The following NAV1 variants were observed in gnomAD, a reference collection of about 807,000 sequenced individuals.
NAV1 encodes neuron navigator 1, also known as pore membrane and/or filament interacting like protein 3.
Under a neutral mutation model 175.2 loss-of-function variants are expected in NAV1, and 18 were observed. The ratio of observed to expected loss-of-function variants is 0.10; its 90% CI spans 0.07 to 0.15. The LOEUF is 0.15. NAV1 is among the 10% of genes least tolerant of loss of function. The probability of loss-of-function intolerance (pLI) is 1.00; values close to 1 mark genes in which losing one functional copy is unlikely to be tolerated. For synonymous variants in NAV1, 897 were observed against 978.7 expected (o/e 0.92, Z 1.56); for missense variants, 1,731 against 2,436.6 (o/e 0.71, Z 6.10).
At chr1:201,540,161 G>A (rs919185644) in intron 1 of NAV1, among the ~76,000 whole-genome samples, 1 of 152,186 alleles carries the variant, frequency 6.6e-6, no homozygotes, top group Admixed American at 6.5e-5. Context: ...CGGGTGGCGG[G>A]GGCGGTGTGT....
At position 201,625,089 on chromosome 1, in the gene NAV1, T is replaced by C. The variant is rs540647781; in HGVS notation, c.-101+1483T>C. 7.9e-5 allele frequency among the ~76,000 whole-genome samples: 12 copies of C among 152,334 alleles called. 1 individual carries two copies. The South Asian group carries it at 2.5e-3, about 32-fold the overall frequency. ...GCTTCATTTAGACTGTTACATTCAG[T>C]TGTGAACACCACGTTTTAAAAGGAC... On this transcript the variant is annotated intron_variant, in intron 1 of 29. Transcript: ENST00000367302.
At chr1:201,702,470 G>C (rs554952131) in intron 1 of NAV1, among the ~76,000 whole-genome samples, 1 of 152,060 alleles carries the variant, frequency 6.6e-6, no homozygotes, top group Non-Finnish European at 1.5e-5. Context: ...AGGTTCAAGC[G>C]ATTTTCCTGC....
At position 201,782,564 on chromosome 1, in the gene NAV1, G is replaced by A. The variant is rs774777680; in HGVS notation, c.2052G>A (p.Val684=). Residue 684 remains valine (V), a synonymous_variant, in exon 6 of 30, where the codon GTG becomes GTA. Coordinates refer to ENST00000367296, the Ensembl canonical transcript of NAV1. The surrounding 1 kb of genome is among the most constrained non-coding windows in gnomAD (Gnocchi z 5.4). The stretch of plus-strand genomic sequence containing the variant: ...CAGCCAAGTCAAGTTCTATGAGCGT[G>A]ACCGGCGGGCGGGGTGGACCTCGCC... 6.2e-7 allele frequency: 1 copy of A among 1,611,992 alleles called. No homozygotes were observed. Among genetic ancestry groups the A allele is most frequent in the South Asian group, 1.1e-5 (1 of 91,002 alleles).
chr1:201,779,446 A>AG (rs1676163961), intron 3 of NAV1, among the ~76,000 whole-genome samples: 1 of 150,444 alleles, frequency 6.6e-6, no homozygotes, highest in Non-Finnish European at 1.5e-5. Context: ...AAAAAAAAAA[A>AG]TAGTAGCTGG....
At chr1:201,824,205 A>C (rs1406901297) in exon 30 of NAV1, 1 of 152,192 alleles carries the variant, frequency 6.6e-6, no homozygotes, top group Non-Finnish European at 1.5e-5. Context: ...GCACTGACTA[A>C]GCTAAAGTTA....
intron 1 of NAV1, among the ~76,000 whole-genome samples, chr1:201,626,538 A>G (rs1668334932): frequency 6.6e-6 from 1 of 152,082 alleles, no homozygotes; most frequent in Admixed American, 6.6e-5. Flanking sequence ...AGAAGGTGCA[A>G]TCCCCTGTCC....
chr1:201,650,062 C>T (rs997576080), intron 1 of NAV1, among the ~76,000 whole-genome samples: 1 of 152,260 alleles, frequency 6.6e-6, no homozygotes, highest in Non-Finnish European at 1.5e-5. Context: ...GCTCTGGCCC[C>T]AACCCCTACA....
At chr1:201,820,658 A>C (rs1225305572) in exon 30 of NAV1, 1 of 152,212 alleles carries the variant, frequency 6.6e-6, no homozygotes, top group Non-Finnish European at 1.5e-5. Context: ...CCAAACCACA[A>C]AAATAACCTT....
chr1:201,760,273 C>T (rs964787388), intron 3 of NAV1, among the ~76,000 whole-genome samples: 2 of 152,178 alleles, frequency 1.3e-5, no homozygotes, highest in African/African-American at 4.8e-5. Flanking sequence ...TCGAGACTAG[C>T]CTTGGCAACA....
chr1:201,675,433 C>T (rs1275476457), intron 1 of NAV1, among the ~76,000 whole-genome samples: 2 of 152,142 alleles, frequency 1.3e-5, no homozygotes, highest in African/African-American at 4.8e-5. Flanking sequence ...CTCGTGTAAC[C>T]TCAGCTTCCT....
Position 201,789,724 on chromosome 1 carries a change from T to C in NAV1, c.3167-16T>C, listed in dbSNP as rs143852875. The C allele has an allele frequency of 6.2e-7, 1 of 1,613,866 alleles. No homozygotes were observed. The highest frequency in any genetic ancestry group is 2.2e-5 in the East Asian group (1 of 44,878). On this transcript the variant is annotated splice_polypyrimidine_tract_variant and intron_variant, in intron 10 of 29. Transcript: ENST00000367296. The stretch of plus-strand genomic sequence containing the variant: ...GGAACCCACTGTTAACTCTTTGTGT[T>C]CTCCTTCTCTTTCAGTTCACGGCTC...
intron 1 of NAV1, among the ~76,000 whole-genome samples, chr1:201,701,009 C>CAAA (rs386369321): frequency 0.68 from 35,747 of 52,726 alleles, 13,082 homozygotes; most frequent in East Asian, 0.78. Flanking sequence ...GACTCTGTCT[C>CAAA]AAAAAAAAAA....
intron 3 of NAV1, among the ~76,000 whole-genome samples, chr1:201,719,119 G>T (rs1672263291): frequency 6.7e-6 from 1 of 149,776 alleles, no homozygotes; most frequent in Non-Finnish European, 1.5e-5. Flanking sequence ...TGCGAACTCT[G>T]TGTAGACCCT....
At chr1:201,634,004 G>A (rs1668547763) in intron 2 of NAV1, among the ~76,000 whole-genome samples, 2 of 152,174 alleles carry the variant, frequency 1.3e-5, no homozygotes, top group South Asian at 2.1e-4. Flanking sequence ...GTGGCTTACT[G>A]TGAACCAGGC....
At chr1:201,631,857 A>G (rs984222537) in intron 2 of NAV1, among the ~76,000 whole-genome samples, 2 of 152,034 alleles carry the variant, frequency 1.3e-5, no homozygotes, top group South Asian at 2.1e-4. Flanking sequence ...TTTGAAGCTC[A>G]TGTATCTTCC....
chr1:201,780,183 C>T (rs943954623), intron 3 of NAV1, among the ~76,000 whole-genome samples: 2 of 152,136 alleles, frequency 1.3e-5, no homozygotes, highest in Non-Finnish European at 2.9e-5. Flanking sequence ...GAAGATACAA[C>T]GTTTTCTCTT....
chr1:201,795,179 T>G (rs1447750621), intron 15 of NAV1: 1 of 152,442 alleles, frequency 6.6e-6, no homozygotes, highest in East Asian at 1.9e-4. Flanking sequence ...TACCAGTGAT[T>G]CCCAGCTTTC....
At chr1:201,551,084 G>A (rs537256443) in intron 1 of NAV1, among the ~76,000 whole-genome samples, 132 of 152,262 alleles carry the variant, frequency 8.7e-4, no homozygotes, top group African/African-American at 3.0e-3. Context: ...TGTCAAAATC[G>A]GACTCAGAGA....
Position 201,787,846 on chromosome 1 carries a change from C to A in NAV1, c.2996-622C>A. ...TTCCACAAGCCTTACCTGACACTTT[C>A]ACCTGCTCTGTCCATCTGACCTTCA... On this transcript the variant is annotated intron_variant, in intron 9 of 29. Transcript: ENST00000367296. The surrounding 1 kb of genome is among the most constrained non-coding windows in gnomAD (Gnocchi z 4.3). 2.6e-6 allele frequency: 1 copy of A among 385,776 alleles called. No individual in the cohort carries two copies. The allele number at this position is 385,776 out of a possible 1,614,324, so 23.9% of individuals were successfully genotyped here.
Sources: allele counts gnomAD v4.1 joint callset (sites outside exome capture counted in the v4.1 genomes callset), GRCh38; gene constraint gnomAD v4.1.1; non-coding constraint Gnocchi (gnomAD v3.1); transcripts MANE v1.5; gene names NCBI Gene and HGNC (gene_info 2026-07-23, HGNC 2026-07-21).